Variants in NPY5R observed in about 807,000 individuals in gnomAD.
NPY5R encodes neuropeptide Y receptor type 5.
A neutral mutation model predicts 24.8 loss-of-function variants in NPY5R; 21 were observed. That is an observed-to-expected ratio of 0.85 (90% CI 0.60 to 1.22). The LOEUF (loss-of-function observed/expected upper bound fraction) is 1.22, where lower values mean the gene tolerates loss of function less well. Ranked by LOEUF, NPY5R falls within the 50% of genes most tolerant of loss-of-function variation. The pLI, the probability that NPY5R is intolerant of heterozygous loss-of-function variation, is 0.00. For missense variants in NPY5R, 481 were observed against 521.3 expected (o/e 0.92, Z 0.75); for synonymous variants, 175 against 183.0 (o/e 0.96, Z 0.35).
chr4:163,351,561 A>G lies in NPY5R; in HGVS notation c.1288A>G (p.Asn430Asp). The G allele has an allele frequency of 6.2e-7, 1 of 1,609,854 alleles. No homozygotes were observed. Among genetic ancestry groups the G allele is most frequent in the Non-Finnish European group, 8.5e-7 (1 of 1,176,198 alleles). ...LNPILYGFLNNGIKADLVSLI... is the reference protein window; with the variant it reads ...LNPILYGFLNDGIKADLVSLI... ...TCCAATTCTATATGGGTTTCTTAAT[A>G]ATGGGATTAAAGCTGATTTAGTGTC... Residue 430 changes from asparagine (N) to aspartate (D), a missense_variant, in exon 4 of 4, where the codon AAT (asparagine) becomes GAT (aspartate). Coordinates refer to ENST00000338566, the MANE Select transcript of NPY5R (RefSeq NM_006174.4).
In NPY5R at chr4:163,350,769, C is replaced by G; in HGVS notation, c.496C>G (p.Leu166Val). The change falls in exon 4 of 4, where the codon CTA becomes GTA. Residue 166 changes from leucine to valine, a missense_variant. Leu to Val is a conservative substitution (Grantham distance 32). Coordinates refer to ENST00000338566, the MANE Select transcript of NPY5R (RefSeq NM_006174.4). ...CTTTCTGATAGCTACTGTCTGGACA[C>G]TAGGTTTTGCCATCTGTTCTCCCCT... ...GYFLIATVWT[L>V]GFAICSPLPV... 6.2e-7 allele frequency: 1 copy of G among 1,614,184 alleles called. No homozygotes were observed. Among genetic ancestry groups the G allele is most frequent in the South Asian group, 1.1e-5 (1 of 91,076 alleles).
chr4:163,351,005 C>T lies in NPY5R; in HGVS notation c.732C>T (p.Asn244=), dbSNP rs925853038. The T allele has an allele frequency of 1.2e-6, 2 of 1,614,012 alleles. No individual in the cohort carries two copies. Among genetic ancestry groups the T allele is most frequent in the Non-Finnish European group, 1.7e-6 (2 of 1,180,006 alleles). The part of the protein sequence containing the change: ...VCRSISCGLS[N]KENRLEENEM... ...GAAGTATAAGCTGTGGATTGTCCAA[C>T]AAAGAAAACAGACTTGAAGAAAATG... Residue 244 remains asparagine (N), a synonymous_variant, in exon 4 of 4, where the codon AAC becomes AAT. Coordinates refer to ENST00000338566, the MANE Select transcript of NPY5R (RefSeq NM_006174.4).
rs763043071 is a variant in NPY5R, at chr4:163,347,531, A to C, written c.-10+9A>C. The C allele has an allele frequency of 1.1e-4, 17 of 152,236 alleles. No homozygotes were observed. The highest frequency in any genetic ancestry group is 3.3e-4 in the Admixed American group (5 of 15,290). 9.4% of individuals were successfully genotyped at this position (152,236 alleles called of 1,614,324 possible). ...AGGATTGATTCAAGAAAGTAAGTCA[A>C]GAGAAGAACAACTAAGCAGGATTGC... On this transcript the variant is annotated intron_variant, in intron 3 of 3. Transcript: ENST00000338566.
intron 2 of NPY5R, 76 bp from the exon 3 acceptor site, chr4:163,347,376 C>G (rs944161199): frequency 6.6e-6 from 1 of 152,194 alleles, no homozygotes; most frequent in African/African-American, 2.4e-5. Flanking sequence ...TAAGTATCAT[C>G]CACAGTTACA....
rs1560869723 is a variant in NPY5R at position 163,350,293 on chromosome 4, A to G, written c.20A>G (p.Glu7Gly). The change falls in exon 4 of 4, where the codon GAG becomes GGG. Residue 7 changes from glutamate (E) to glycine (G), a missense_variant. Transcript: ENST00000338566. MDLELD[E>G]YYNKTLATEN... The stretch of plus-strand genomic sequence containing the variant: ...TATAATATGGATTTAGAGCTCGACG[A>G]GTATTATAACAAGACACTTGCCACA... 6.4e-7 allele frequency: 1 copy of G among 1,572,186 alleles called. No individual in the cohort carries two copies. Among genetic ancestry groups the G allele is most frequent in the South Asian group, 1.2e-5 (1 of 86,126 alleles).
chr4:163,343,900 G>A lies in NPY5R; in HGVS notation c.-221G>A, dbSNP rs149127945. On this transcript the variant is annotated 5_prime_UTR_variant, in exon 1 of 4. Coordinates refer to ENST00000338566, the MANE Select transcript of NPY5R (RefSeq NM_006174.4). ...CCCTCTTCCCCACCGCCGCCTCCAG[G>A]TCCTGCTCCCGCTGCTGCCGCCACC... 0.022 allele frequency: 3,328 copies of A among 153,062 alleles called. 57 individuals are homozygous for A. Among genetic ancestry groups the A allele is most frequent in the Non-Finnish European group, 0.035 (2,377 of 68,652 alleles). The allele number at this position is 153,062 out of a possible 1,614,324, so 9.5% of individuals were successfully genotyped here.
Position 163,350,543 on chromosome 4 carries a change from T to A in NPY5R, c.270T>A (p.Val90=). Residue 90 remains valine (V), a synonymous_variant, in exon 4 of 4, where the codon GTT becomes GTA. Transcript: ENST00000338566. The part of the protein sequence containing the change: ...IGNLAFSDIL[V]VLFCSPFTLT... ...ATCTGGCCTTTTCTGATATCTTGGT[T>A]GTGCTGTTTTGCTCACCTTTCACAC... is the stretch of plus-strand genomic sequence containing the variant. The A allele has an allele frequency of 6.2e-7, 1 of 1,614,240 alleles. No homozygotes were observed. The highest frequency in any genetic ancestry group is 8.5e-7 in the Non-Finnish European group (1 of 1,180,046).
Position 163,350,680 on chromosome 4 carries a change from C to T in NPY5R, c.407C>T (p.Ala136Val). ...LVSTLILISI[A>V]IVRYHMIKHP... is the part of the protein sequence containing the mutation. ...TCAACTTTAATTTTAATATCAATTG[C>T]CATTGTCAGGTATCATATGATAAAA... The change falls in exon 4 of 4, where the codon GCC (alanine) becomes GTC (valine). Residue 136 changes from alanine (A) to valine (V), a missense_variant. By Grantham distance (64) the Ala-to-Val change is moderately conservative. Coordinates refer to ENST00000338566, the MANE Select transcript of NPY5R (RefSeq NM_006174.4). The T allele has an allele frequency of 6.2e-7, 1 of 1,613,744 alleles. No homozygotes were observed. Among genetic ancestry groups the T allele is most frequent in the Non-Finnish European group, 8.5e-7 (1 of 1,179,782 alleles).
chr4:163,345,981 A>G (rs1443009605), intron 2 of NPY5R, among the ~76,000 whole-genome samples: 1 of 123,744 alleles, frequency 8.1e-6, no homozygotes, highest in Non-Finnish European at 1.6e-5. Flanking sequence ...TTTAGTCGTA[A>G]GAAGAAATTC....
Position 163,350,797 on chromosome 4 carries a change from C to T in NPY5R, c.524C>T (p.Pro175Leu), listed in dbSNP as rs1735461463. ...GGTTTTGCCATCTGTTCTCCCCTTC[C>T]AGTGTTTCACAGTCTTGTGGAACTT... ...TLGFAICSPL[P>L]VFHSLVELQE... The change falls in exon 4 of 4, where the codon CCA (proline) becomes CTA (leucine). Residue 175 changes from proline to leucine, a missense_variant. Pro to Leu is a moderately conservative substitution (Grantham distance 98). Coordinates refer to ENST00000338566, the MANE Select transcript of NPY5R (RefSeq NM_006174.4). The T allele has an allele frequency of 1.2e-6, 2 of 1,614,084 alleles. No individual in the cohort carries two copies. The highest frequency in any genetic ancestry group is 1.3e-5 in the African/African-American group (1 of 75,040).
Position 163,351,074 on chromosome 4 carries a change from T to C in NPY5R, c.801T>C (p.Pro267=). 2 of 1,614,108 alleles carry C rather than the reference T, an allele frequency of 1.2e-6. No individual in the cohort carries two copies. Among genetic ancestry groups the C allele is most frequent in the Non-Finnish European group, 1.7e-6 (2 of 1,179,964 alleles). The stretch of plus-strand genomic sequence containing the variant: ...TTCATCCATCCAAAAAGAGTGGGCC[T>C]CAGGTGAAACTCTCTGGCAGCCATA... ...LTLHPSKKSG[P]QVKLSGSHKW... Residue 267 remains proline (P), a synonymous_variant, in exon 4 of 4, where the codon CCT becomes CCC. Coordinates refer to ENST00000338566, the MANE Select transcript of NPY5R (RefSeq NM_006174.4).
chr4:163,350,200 ATTAAT>A (rs1735426611), intron 3 of NPY5R, 60 bp from the exon 4 acceptor site: 3 of 1,195,688 alleles, frequency 2.5e-6, no homozygotes, highest in Non-Finnish European at 2.3e-6. Context: ...CTCTGAATAG[ATTAAT>A]TTAAAGTAGT....
chr4:163,348,285 C>A (rs1179450582), intron 3 of NPY5R, among the ~76,000 whole-genome samples: 1 of 152,006 alleles, frequency 6.6e-6, no homozygotes, highest in Non-Finnish European at 1.5e-5. Context: ...GAATTAATTT[C>A]TTTGTTGGTT....
chr4:163,350,228 T>A, intron 3 of NPY5R, 37 bp from the exon 4 acceptor site: 1 of 1,487,754 alleles, frequency 6.7e-7, no homozygotes, highest in Non-Finnish European at 9.0e-7. Flanking sequence ...TGTAATGTTT[T>A]TTTGGTTGCT....
At chr4:163,344,210 G>A (rs987689473) in intron 1 of NPY5R, 2 of 152,788 alleles carry the variant, frequency 1.3e-5, no homozygotes, top group Non-Finnish European at 1.5e-5. Flanking sequence ...GATTAGGGTG[G>A]CGGAACAGGC....
rs746299248 is a variant in NPY5R, at chr4:163,351,842, A to G, written c.*231A>G. 9.2e-6 allele frequency: 3 copies of G among 326,174 alleles called. No homozygotes were observed. The highest frequency in any genetic ancestry group is 4.5e-5 in the Admixed American group (1 of 22,442). 20.2% of individuals were successfully genotyped at this position (326,174 alleles called of 1,614,324 possible). On this transcript the variant is annotated 3_prime_UTR_variant, in exon 4 of 4. Coordinates refer to ENST00000338566, the MANE Select transcript of NPY5R (RefSeq NM_006174.4). Reference sequence around the variant, plus strand: ...CAGTGTCAATCCAATCTGTAATTTCACTTTAGAAGGTTGTATTACCTTCCA... The same window carrying G: ...CAGTGTCAATCCAATCTGTAATTTCGCTTTAGAAGGTTGTATTACCTTCCA...
chr4:163,348,287 T>C lies in NPY5R; in HGVS notation c.-10+765T>C, dbSNP rs1011041185. On this transcript the variant is annotated intron_variant, in intron 3 of 3. Coordinates refer to ENST00000338566, the MANE Select transcript of NPY5R (RefSeq NM_006174.4). ...AATGTATTTATTGGAATTAATTTCT[T>C]TGTTGGTTTGTGTTTTCTGTAGGAA... Among the ~76,000 whole-genome samples, 19 of 152,296 alleles carry C rather than the reference T, an allele frequency of 1.2e-4. No individual in the cohort carries two copies. In the East Asian group the frequency reaches 3.7e-3, roughly 29 times the overall value.
chr4:163,348,588 T>A (rs12502959), intron 3 of NPY5R, among the ~76,000 whole-genome samples: 9,398 of 151,150 alleles, frequency 0.062, 416 homozygotes, highest in South Asian at 0.18. Context: ...AAGGTTACAA[T>A]GAGCTGTGGT....
At chr4:163,348,580 G>T (rs1375006007) in intron 3 of NPY5R, among the ~76,000 whole-genome samples, 1 of 151,764 alleles carries the variant, frequency 6.6e-6, no homozygotes, top group Non-Finnish European at 1.5e-5. Context: ...AGGCGTTCAA[G>T]GTTACAATGA....
Sources: gnomAD v4.1 joint callset for allele counts (sites outside exome capture counted in the v4.1 genomes callset) on GRCh38, gnomAD v4.1.1 for gene constraint, MANE v1.5 for transcripts, NCBI Gene and HGNC (gene_info 2026-07-23, HGNC 2026-07-21) for gene names.